IGFL2: variants seen among roughly 807,000 people sequenced by gnomAD.
The protein encoded by IGFL2 is IGF like family member 2.
A neutral mutation model predicts 13.9 loss-of-function variants in IGFL2; 7 were observed. That is an observed-to-expected ratio of 0.51 (90% CI 0.29 to 0.95). The LOEUF (loss-of-function observed/expected upper bound fraction) is 0.95. Among genes scored for constraint, IGFL2 ranks in the 40% least tolerant of loss-of-function variants. The pLI, the probability that IGFL2 is intolerant of heterozygous loss-of-function variation, is 0.08. For missense variants in IGFL2, 138 were observed against 147.8 expected (o/e 0.93, Z 0.34); for synonymous variants, 55 against 55.8 (o/e 0.99, Z 0.07).
chr19:46,114,179 C>A, the IGFL2 span, among the ~76,000 whole-genome samples: 1 of 152,184 alleles, frequency 6.6e-6, no homozygotes, highest in Non-Finnish European at 1.5e-5. Flanking sequence ...AATTTTTGTT[C>A]CTGTTTCTAA....
the IGFL2 span, among the ~76,000 whole-genome samples, chr19:46,182,365 TAAAAAAAAAA>T: frequency 3.8e-5 from 3 of 78,690 alleles, no homozygotes; most frequent in East Asian, 7.9e-4. Context: ...AGACTTTGCC[TAAAAAAAAAA>T]AAAAAAAAAA....
At chr19:46,120,447 C>G in the IGFL2 span, 1 of 1,559,602 alleles carries the variant, frequency 6.4e-7, no homozygotes, top group Admixed American at 1.8e-5. Flanking sequence ...ACAAACTTGA[C>G]TTTAACAGAC....
At chr19:46,181,978 A>G in the IGFL2 span, among the ~76,000 whole-genome samples, 3 of 152,154 alleles carry the variant, frequency 2.0e-5, no homozygotes, top group African/African-American at 7.2e-5. Context: ...AGCATCTCCT[A>G]TAATACATGT....
chr19:46,155,779 AT>A (rs1358021251), intron 1 of IGFL2, among the ~76,000 whole-genome samples: 1 of 152,198 alleles, frequency 6.6e-6, no homozygotes, highest in Non-Finnish European at 1.5e-5. Context: ...TACAATTGTG[AT>A]AAATCACTGA....
At chr19:46,144,145 A>G (rs1233338719), upstream of IGFL2, among the ~76,000 whole-genome samples, 1 of 152,246 alleles carries the variant, frequency 6.6e-6, no homozygotes, top group Non-Finnish European at 1.5e-5. Context: ...CAGTTCTGCC[A>G]TTGTAGTGAA....
the IGFL2 span, among the ~76,000 whole-genome samples, chr19:46,172,839 C>G: frequency 6.6e-6 from 1 of 152,052 alleles, no homozygotes; most frequent in East Asian, 2.0e-4. Context: ...CACCTCAGCC[C>G]TCTGAGTAGC....
chr19:46,201,018 C>A, the IGFL2 span, among the ~76,000 whole-genome samples: 1 of 152,152 alleles, frequency 6.6e-6, no homozygotes, highest in East Asian at 1.9e-4. Context: ...TTATACCACC[C>A]AATAAAATGT....
chr19:46,124,081 T>C, the IGFL2 span: 3 of 1,611,490 alleles, frequency 1.9e-6, no homozygotes, highest in South Asian at 3.3e-5. Context: ...ACAGCACTGC[T>C]CTGAAGGGTT....
At chr19:46,088,031 G>C in the IGFL2 span, among the ~76,000 whole-genome samples, 4 of 152,180 alleles carry the variant, frequency 2.6e-5, no homozygotes, top group Non-Finnish European at 5.9e-5. Context: ...CTCTCCTGTG[G>C]CTAGGACTGT....
At chr19:46,211,948 A>G in the IGFL2 span, among the ~76,000 whole-genome samples, 1 of 152,188 alleles carries the variant, frequency 6.6e-6, no homozygotes, top group South Asian at 2.1e-4. Context: ...GAATGATAGA[A>G]TGATATTCTA....
the IGFL2 span, chr19:46,137,171 T>C: frequency 1.9e-6 from 3 of 1,607,204 alleles, no homozygotes; most frequent in Admixed American, 5.0e-5. Flanking sequence ...CATGAAGTTT[T>C]TGATGCCCAT....
chr19:46,195,240 C>T, the IGFL2 span: 4 of 152,270 alleles, frequency 2.6e-5, no homozygotes, highest in Non-Finnish European at 5.9e-5. Flanking sequence ...TGGTCTCAAA[C>T]TCTTGACCTC....
chr19:46,203,873 C>T, the IGFL2 span, among the ~76,000 whole-genome samples: 1 of 152,116 alleles, frequency 6.6e-6, no homozygotes, highest in South Asian at 2.1e-4. Flanking sequence ...CATGCCACCA[C>T]ACCCAGCTAA....
chr19:46,138,975 C>T (rs915293866), upstream of IGFL2, among the ~76,000 whole-genome samples: 2 of 151,844 alleles, frequency 1.3e-5, no homozygotes, highest in Non-Finnish European at 2.9e-5. Flanking sequence ...AGAGTCCTGT[C>T]CCTGCCAACT....
In IGFL2 at chr19:46,148,310, T is replaced by A. The variant is rs1334273906; in HGVS notation, c.19+13T>A. ...CCCAGAATCTTCGGTAAGGTAACCC[T>A]TGCCCCAGGTTGAGCTAATGCCTAC... On this transcript the variant is annotated intron_variant, in intron 1 of 3. Coordinates refer to ENST00000377693, the MANE Select transcript of IGFL2 (RefSeq NM_001135113.2). 6.4e-7 allele frequency: 1 copy of A among 1,550,556 alleles called. No homozygotes were observed. The highest frequency in any genetic ancestry group is 8.7e-7 in the Non-Finnish European group (1 of 1,145,940).
At chr19:46,094,560 C>T in the IGFL2 span, among the ~76,000 whole-genome samples, 1 of 150,738 alleles carries the variant, frequency 6.6e-6, no homozygotes, top group Middle Eastern at 3.2e-3. Context: ...GATACATGTT[C>T]AGGACATGCA....
chr19:46,081,233 G>A, the IGFL2 span, among the ~76,000 whole-genome samples: 37 of 152,262 alleles, frequency 2.4e-4, no homozygotes, highest in South Asian at 2.3e-3. Flanking sequence ...GTTCATTATC[G>A]TGATTGCGTT....
the IGFL2 span, among the ~76,000 whole-genome samples, chr19:46,089,977 C>A: frequency 6.6e-6 from 1 of 151,996 alleles, no homozygotes; most frequent in Admixed American, 6.5e-5. Context: ...TTCCAGTGAC[C>A]CAAACATTTG....
At chr19:46,164,640 A>G (rs1974311438), downstream of IGFL2, 1 of 152,224 alleles carries the variant, frequency 6.6e-6, no homozygotes, top group African/African-American at 2.4e-5. Context: ...GTCAAGACCA[A>G]TTTACAGTCA....
Sources: gnomAD v4.1 joint callset for allele counts (sites outside exome capture counted in the v4.1 genomes callset) on GRCh38, gnomAD v4.1.1 for gene constraint, MANE v1.5 for transcripts, NCBI Gene and HGNC (gene_info 2026-07-23, HGNC 2026-07-21) for gene names.